SNX30: variants seen among roughly 807,000 people sequenced by gnomAD.
The protein encoded by SNX30 is sorting nexin-30.
In SNX30, 24 loss-of-function variants were observed where a neutral mutation model predicts 46.4. The observed-to-expected ratio is 0.52, with a 90% CI of 0.37 to 0.73. The LOEUF (loss-of-function observed/expected upper bound fraction) is 0.73, where lower values mean the gene tolerates loss of function less well. Ranked by LOEUF, SNX30 falls within the 30% of genes least tolerant of loss-of-function variation. SNX30 has a pLI of 0.00. For synonymous variants in SNX30, 189 were observed against 211.5 expected, an observed-to-expected ratio of 0.89 and a Z score of 0.92; for missense variants, 533 against 555.7, an observed-to-expected ratio of 0.96 and a Z score of 0.41.
At position 112,850,932 on chromosome 9, in the gene SNX30, A is replaced by C. The variant is rs1420656825; in HGVS notation, c.1088A>C (p.Glu363Ala). The C allele has an allele frequency of 6.2e-7, 1 of 1,614,032 alleles. No individual in the cohort carries two copies. The highest frequency in any genetic ancestry group is 1.1e-5 in the South Asian group (1 of 91,060). Residue 363 changes from glutamate to alanine, a missense_variant, in exon 7 of 9, where the codon GAA (glutamate) becomes GCA (alanine). This residue lies in a region of SNX30 where 261 missense variants were observed against 270.9 expected (regional missense o/e 0.96). Coordinates refer to ENST00000374232, the MANE Select transcript of SNX30 (RefSeq NM_001012994.2). ...CTGGAAGCTGTGGCTCTGCGGAAGG[A>C]AGACCGCCCCAAGGTCAGGGAAGCC... is the stretch of plus-strand genomic sequence containing the variant. ...AKLEAVALRK[E>A]DRPKVPADVE...
rs1164636115 is a variant in SNX30 at position 112,869,915 on chromosome 9, A to G, written c.*1072A>G. The G allele has an allele frequency of 6.6e-6, 1 of 152,216 alleles. No homozygotes were observed. Among genetic ancestry groups the G allele is most frequent in the Non-Finnish European group, 1.5e-5 (1 of 68,034 alleles). The allele number at this position is 152,216 out of a possible 1,614,324, so 9.4% of individuals were successfully genotyped here. A position where few individuals can be genotyped will look rare whatever the true frequency, so the allele number is the denominator to read the frequency against. On this transcript the variant is annotated 3_prime_UTR_variant, in exon 9 of 9. Transcript: ENST00000374232. ...TGATACAGTCGAAATTTGTCAATGC[A>G]GTGTGAATGTTCTACATAAAGTGCT...
intron 1 of SNX30, among the ~76,000 whole-genome samples, chr9:112,778,247 A>G (rs1357423150): frequency 6.6e-6 from 1 of 151,362 alleles, no homozygotes; most frequent in Non-Finnish European, 1.5e-5. Flanking sequence ...TGAAATTGGC[A>G]CAGGATCAGT....
intron 7 of SNX30, among the ~76,000 whole-genome samples, chr9:112,858,268 A>T (rs1841168233): frequency 6.6e-6 from 1 of 152,134 alleles, no homozygotes; most frequent in African/African-American, 2.4e-5. Flanking sequence ...TTATCTCAGC[A>T]CTCTGGGAGG....
chr9:112,774,730 T>C (rs1839711143), intron 1 of SNX30, among the ~76,000 whole-genome samples: 2 of 152,296 alleles, frequency 1.3e-5, no homozygotes, highest in South Asian at 4.1e-4. Context: ...CTCTTTCACA[T>C]GCAAATTGGC....
At chr9:112,854,663 G>T (rs767581596) in intron 7 of SNX30, among the ~76,000 whole-genome samples, 95 of 152,354 alleles carry the variant, frequency 6.2e-4, no homozygotes, top group Middle Eastern at 3.4e-3. Flanking sequence ...GGCAGCAGCA[G>T]AAATCCTTTG....
chr9:112,876,131 C>T (rs1028436354), downstream of SNX30, among the ~76,000 whole-genome samples: 2 of 151,884 alleles, frequency 1.3e-5, no homozygotes, highest in Non-Finnish European at 1.5e-5. Flanking sequence ...TACTGAAGGA[C>T]GGTGTCAGAT....
chr9:112,772,902 T>C (rs1478259910), intron 1 of SNX30, among the ~76,000 whole-genome samples: 1 of 152,274 alleles, frequency 6.6e-6, no homozygotes, highest in Non-Finnish European at 1.5e-5. Context: ...AGTCTTGCTA[T>C]TGATTTATTC....
Position 112,850,874 on chromosome 9 carries a change from A to C in SNX30, c.1030A>C (p.Arg344=), listed in dbSNP as rs1216497734. The change falls in exon 7 of 9, where the codon AGG becomes CGG. Residue 344 remains arginine (R), a synonymous_variant. Coordinates refer to ENST00000374232, the MANE Select transcript of SNX30 (RefSeq NM_001012994.2). ...SDSMKSVLKK[R]DQVQAEYEAK... ...CCTCCCACAGAGTGTATTGAAGAAGAGGGACCAAGTTCAAGCAGAGTATGA... is the reference window on the plus strand; with the variant it reads ...CCTCCCACAGAGTGTATTGAAGAAGCGGGACCAAGTTCAAGCAGAGTATGA... 1 of 1,613,762 alleles carries C rather than the reference A, an allele frequency of 6.2e-7. No individual in the cohort carries two copies. Among genetic ancestry groups the C allele is most frequent in the Admixed American group, 1.7e-5 (1 of 60,016 alleles).
rs1008470219 is a variant in SNX30, at chr9:112,797,835, C to G, written c.157-6941C>G. On this transcript the variant is annotated intron_variant, in intron 1 of 8. Coordinates refer to ENST00000374232, the MANE Select transcript of SNX30 (RefSeq NM_001012994.2). ...AAGCAATTCTCCTGCCTCAGCCCCC[C>G]GAGTAGGCGCACGCCACCGTGCCCA... is the stretch of plus-strand genomic sequence containing the variant. 5.3e-5 allele frequency among the ~76,000 whole-genome samples: 8 copies of G among 149,814 alleles called. No homozygotes were observed. The East Asian group carries it at 1.4e-3, about 26-fold the overall frequency.
At chr9:112,791,139 C>T (rs1840013001) in intron 1 of SNX30, among the ~76,000 whole-genome samples, 3 of 152,096 alleles carry the variant, frequency 2.0e-5, no homozygotes, top group African/African-American at 4.8e-5. Context: ...CAACCATCAT[C>T]GCTATCTAAT....
intron 2 of SNX30, among the ~76,000 whole-genome samples, chr9:112,813,226 G>T (rs1008297533): frequency 2.0e-5 from 3 of 152,178 alleles, no homozygotes; most frequent in African/African-American, 7.2e-5. Context: ...CACTTTGGAA[G>T]GCTGAGACAG....
rs1234413691 is a variant in SNX30 at position 112,874,904 on chromosome 9, G to C, written c.*6061G>C. 2.0e-5 allele frequency: 3 copies of C among 152,080 alleles called. No individual in the cohort carries two copies. The highest frequency in any genetic ancestry group is 4.4e-5 in the Non-Finnish European group (3 of 68,034). 9.4% of individuals were successfully genotyped at this position (152,080 alleles called of 1,614,324 possible). Reference sequence around the variant, plus strand: ...GTAAACAAAAGAATTTGTATTGCTTGATAAATATTAGCTTGTAAATTTAAA... The same window carrying C: ...GTAAACAAAAGAATTTGTATTGCTTCATAAATATTAGCTTGTAAATTTAAA... On this transcript the variant is annotated 3_prime_UTR_variant, in exon 9 of 9. Transcript: ENST00000374232.
chr9:112,789,505 A>G (rs1839986366), intron 1 of SNX30, among the ~76,000 whole-genome samples: 1 of 152,168 alleles, frequency 6.6e-6, no homozygotes, highest in African/African-American at 2.4e-5. Flanking sequence ...CAGATGCTAT[A>G]TTCTGTTTTG....
At chr9:112,866,400 C>T in intron 8 of SNX30, 1 of 469,750 alleles carries the variant, frequency 2.1e-6, no homozygotes, top group South Asian at 1.6e-5. Flanking sequence ...TACGCAAAGT[C>T]CCTGGGGCAG....
At chr9:112,864,547 C>A in intron 8 of SNX30, 148 bp downstream of exon 8, 2 of 1,070,864 alleles carry the variant, frequency 1.9e-6, no homozygotes, top group Non-Finnish European at 2.7e-6. Context: ...CATGCCCTTG[C>A]CCAACCATGT....
intron 3 of SNX30, among the ~76,000 whole-genome samples, chr9:112,829,471 G>A (rs1201055938): frequency 1.3e-5 from 2 of 152,116 alleles, no homozygotes; most frequent in Non-Finnish European, 2.9e-5. Context: ...TGGTAGAGAC[G>A]TGGTTTCACC....
chr9:112,862,385 A>G (rs1035507289), intron 7 of SNX30, among the ~76,000 whole-genome samples: 2 of 152,210 alleles, frequency 1.3e-5, no homozygotes, highest in Non-Finnish European at 2.9e-5. Flanking sequence ...AGCAGTGGCC[A>G]GGAGACGGGT....
intron 2 of SNX30, among the ~76,000 whole-genome samples, chr9:112,815,884 C>T (rs1002501753): frequency 1.3e-5 from 2 of 152,188 alleles, no homozygotes; most frequent in Non-Finnish European, 2.9e-5. Flanking sequence ...ACTCTGTCGC[C>T]TAGGCTGAAG....
chr9:112,884,754 GC>G (rs1841623575), downstream of SNX30, among the ~76,000 whole-genome samples: 1 of 152,144 alleles, frequency 6.6e-6, no homozygotes, highest in Non-Finnish European at 1.5e-5. Flanking sequence ...TCTTCCCATT[GC>G]TTTCATTTGT....
Sources: gnomAD v4.1 joint callset for allele counts (sites outside exome capture counted in the v4.1 genomes callset) on GRCh38, gnomAD v4.1.1 for gene constraint, gnomAD v4.1.1 regional missense constraint, MANE v1.5 for transcripts, NCBI Gene and HGNC (gene_info 2026-07-23, HGNC 2026-07-21) for gene names.